CELF2: variants seen among roughly 807,000 people sequenced by gnomAD.
CELF2 encodes the protein CUG triplet repeat RNA-binding protein 2.
Under a neutral mutation model 62.6 loss-of-function variants are expected in CELF2, and 8 were observed. That is an observed-to-expected ratio of 0.13 (90% CI 0.07 to 0.23). The LOEUF (loss-of-function observed/expected upper bound fraction) is 0.23. CELF2 is among the 10% of genes least tolerant of loss of function. The probability of loss-of-function intolerance (pLI) is 1.00; values close to 1 mark genes in which losing one functional copy is unlikely to be tolerated. For synonymous variants in CELF2, 258 were observed against 250.0 expected (o/e 1.03, Z -0.30); for missense variants, 333 against 671.0 (o/e 0.50, Z 5.56).
chr10:10,716,580 C>G, the CELF2 span, among the ~76,000 whole-genome samples: 2 of 152,156 alleles, frequency 1.3e-5, no homozygotes, highest in Non-Finnish European at 2.9e-5. Flanking sequence ...AACATTTAAA[C>G]CTATTTCCTT....
chr10:11,086,886 A>C (rs1481272745), intron 1 of CELF2, among the ~76,000 whole-genome samples: 3 of 152,106 alleles, frequency 2.0e-5, no homozygotes, highest in Non-Finnish European at 2.9e-5. Context: ...GGACAGGAGG[A>C]GATGGGGGAG....
chr10:10,702,888 T>C, the CELF2 span, among the ~76,000 whole-genome samples: 1 of 152,234 alleles, frequency 6.6e-6, no homozygotes, highest in Non-Finnish European at 1.5e-5. Flanking sequence ...CCAACCCCTT[T>C]TTAAAAATAT....
rs775523389 is a variant in CELF2 at position 11,302,937 on chromosome 10, A to G, written c.977-11202A>G. Among the ~76,000 whole-genome samples, 26 of 152,174 alleles carry G rather than the reference A, an allele frequency of 1.7e-4. No homozygotes were observed. Among genetic ancestry groups the G allele is most frequent in the Admixed American group, 2.0e-4 (3 of 15,286 alleles). ...AAGCCAGCGTGTGTTTGGCACAACA[A>G]TAAGAGCTTTTCAATAGTTGGCTTT... On this transcript the variant is annotated intron_variant, in intron 9 of 12. Coordinates refer to ENST00000633077, the MANE Select transcript of CELF2 (RefSeq NM_001326342.2). This position sits in a 1 kb window ranked among gnomAD's most constrained non-coding sequence, Gnocchi z 5.0.
intron 1 of CELF2, among the ~76,000 whole-genome samples, chr10:11,109,541 C>G (rs1446331249): frequency 6.6e-6 from 1 of 152,200 alleles, no homozygotes; most frequent in Non-Finnish European, 1.5e-5. Context: ...AGAGAGATCA[C>G]AGTGCCGGTA....
the CELF2 span, among the ~76,000 whole-genome samples, chr10:10,731,274 A>C: frequency 1.5e-3 from 228 of 150,734 alleles, no homozygotes; most frequent in African/African-American, 4.9e-3. Context: ...ACACACACAC[A>C]CCCTCAAAGT....
intron 1 of CELF2, among the ~76,000 whole-genome samples, chr10:11,135,201 C>G (rs2060241616): frequency 6.6e-6 from 1 of 152,246 alleles, no homozygotes; most frequent in Non-Finnish European, 1.5e-5. Context: ...GTTTAATGCT[C>G]TCTCTTAACT....
chr10:10,992,754 A>G (rs1158689743), intron 2 of CELF2, among the ~76,000 whole-genome samples: 3 of 152,234 alleles, frequency 2.0e-5, no homozygotes, highest in African/African-American at 7.2e-5. Flanking sequence ...ATAATAGATA[A>G]TTCAATGATA....
the CELF2 span, among the ~76,000 whole-genome samples, chr10:10,741,764 AC>A: frequency 6.6e-6 from 1 of 152,150 alleles, no homozygotes; most frequent in Non-Finnish European, 1.5e-5. Flanking sequence ...TTAGAAAGTT[AC>A]TATTTTTCTC....
At chr10:10,625,785 G>A in the CELF2 span, among the ~76,000 whole-genome samples, 436 of 152,296 alleles carry the variant, frequency 2.9e-3, 3 homozygotes, top group African/African-American at 0.01. Context: ...GCCCCGTCCC[G>A]TGATCTGAAG....
chr10:10,613,743 G>T, the CELF2 span, among the ~76,000 whole-genome samples: 4 of 152,240 alleles, frequency 2.6e-5, no homozygotes, highest in South Asian at 8.3e-4. Flanking sequence ...AAAAGAAAAA[G>T]CTTTTCCTCT....
At position 10,799,353 on chromosome 10, in the gene CELF2, G is replaced by A. The variant is rs192117871; in HGVS notation, c.53+536G>A. ...ACAGAAATTAGCCAGGTGTGGTGGT[G>A]GGTGCCTGTAGTCCCTGCTACTTGG... On this transcript the variant is annotated intron_variant, in intron 1 of 13. Coordinates refer to the CELF2 transcript ENST00000636488. 7.2e-4 allele frequency among the ~76,000 whole-genome samples: 110 copies of A among 152,108 alleles called. 1 individual carries two copies. Among genetic ancestry groups the A allele is most frequent in the African/African-American group, 2.5e-3 (104 of 41,488 alleles).
chr10:10,527,635 C>T, the CELF2 span, among the ~76,000 whole-genome samples: 1 of 152,144 alleles, frequency 6.6e-6, no homozygotes, highest in Non-Finnish European at 1.5e-5. Context: ...ATAATATGGC[C>T]TGGACCTTAG....
the CELF2 span, among the ~76,000 whole-genome samples, chr10:10,549,326 C>T: frequency 6.6e-6 from 1 of 152,164 alleles, no homozygotes; most frequent in African/African-American, 2.4e-5. Flanking sequence ...CTCTGTCACC[C>T]AGGCTGGAGT....
At chr10:10,667,468 G>A in the CELF2 span, among the ~76,000 whole-genome samples, 6 of 152,312 alleles carry the variant, frequency 3.9e-5, no homozygotes, top group Admixed American at 3.3e-4. Flanking sequence ...AGCACAAAAG[G>A]CCACAGGAAT....
chr10:11,123,162 CCATGAAG>C, intron 1 of CELF2, among the ~76,000 whole-genome samples: 1 of 152,242 alleles, frequency 6.6e-6, no homozygotes, highest in Admixed American at 6.5e-5. Context: ...CTTTTTACAG[CCATGAAG>C]ATTTGTGATC....
chr10:11,188,368 G>T (rs1309905924), intron 2 of CELF2, among the ~76,000 whole-genome samples: 1 of 152,194 alleles, frequency 6.6e-6, no homozygotes, highest in African/African-American at 2.4e-5. Flanking sequence ...GCCTCCCAAA[G>T]TGGCGGGATT....
chr10:10,933,949 A>T (rs971830179), intron 2 of CELF2, among the ~76,000 whole-genome samples: 2 of 152,160 alleles, frequency 1.3e-5, no homozygotes, highest in African/African-American at 2.4e-5. Context: ...ATTCCTTTGC[A>T]TATTTACCCA....
At chr10:10,835,675 G>A (rs1331705941) in intron 1 of CELF2, among the ~76,000 whole-genome samples, 6 of 152,248 alleles carry the variant, frequency 3.9e-5, no homozygotes, top group South Asian at 2.1e-4. Flanking sequence ...GAGCCACCAC[G>A]CCCAGCCCAG....
intron 1 of CELF2, among the ~76,000 whole-genome samples, chr10:10,847,407 C>T (rs1258247056): frequency 6.6e-6 from 1 of 152,042 alleles, no homozygotes; most frequent in African/African-American, 2.4e-5. Flanking sequence ...TGAGAAAATG[C>T]TGTAGGAAGA....
Sources: gnomAD v4.1 joint callset for allele counts (sites outside exome capture counted in the v4.1 genomes callset) on GRCh38, gnomAD v4.1.1 for gene constraint, Gnocchi (gnomAD v3.1) non-coding constraint, MANE v1.5 for transcripts, NCBI Gene and HGNC (gene_info 2026-07-23, HGNC 2026-07-21) for gene names.